The following IPO9 variants were observed in gnomAD, a reference collection of about 807,000 sequenced individuals.
The protein encoded by IPO9 is importin 9.
A neutral mutation model predicts 128.6 loss-of-function variants in IPO9; 28 were observed. The ratio of observed to expected loss-of-function variants is 0.22; its 90% CI spans 0.16 to 0.30. The LOEUF is 0.30. Among genes scored for constraint, IPO9 ranks in the 10% least tolerant of loss-of-function variants. The pLI, the probability that IPO9 is intolerant of heterozygous loss-of-function variation, is 1.00. For synonymous variants in IPO9, 455 were observed against 475.8 expected (o/e 0.96, Z 0.57); for missense variants, 935 against 1,293.9 (o/e 0.72, Z 4.26).
intron 23 of IPO9, 81 bp from the exon 24 acceptor site, chr1:201,875,863 C>T: frequency 1.2e-6 from 1 of 836,406 alleles, no homozygotes; most frequent in Non-Finnish European, 2.1e-6. Context: ...ATTCCCTGTG[C>T]CATTTGATTG....
intron 1 of IPO9, 94 bp from the exon 2 acceptor site, chr1:201,847,185 C>G (rs973474950): frequency 4.6e-6 from 4 of 877,968 alleles, no homozygotes; most frequent in Admixed American, 2.1e-5. Context: ...GATTAAGTTT[C>G]TTTCTGGAAT....
intron 1 of IPO9, among the ~76,000 whole-genome samples, chr1:201,839,106 G>A (rs1679991200): frequency 2.0e-5 from 3 of 151,910 alleles, no homozygotes; most frequent in South Asian, 2.1e-4. Flanking sequence ...TTTTAGTAGA[G>A]ATGGGGTTTC....
In IPO9 at chr1:201,829,194, G is replaced by A. The variant is rs1275248207; in HGVS notation, c.-16G>A. On this transcript the variant is annotated 5_prime_UTR_variant, in exon 1 of 24. Coordinates refer to ENST00000361565, the MANE Select transcript of IPO9 (RefSeq NM_018085.5). ...CGGGTCCCGGCCGCGGGGCTGGCGG[G>A]CTGAGGGGAGAAAAGATGGCGGCGG... 11 of 1,514,158 alleles carry A rather than the reference G, an allele frequency of 7.3e-6. No individual in the cohort carries two copies. Among genetic ancestry groups the A allele is most frequent in the East Asian group, 2.8e-5 (1 of 36,056 alleles). The allele number at this position is 1,514,158 out of a possible 1,614,324, so 93.8% of individuals were successfully genotyped here.
In IPO9 at chr1:201,858,530, CA is replaced by C; in HGVS notation, c.1310del (p.Asn437ThrfsTer18). 3.2e-6 allele frequency: 5 copies of C among 1,586,914 alleles called. No homozygotes were observed. Among genetic ancestry groups the C allele is most frequent in the Admixed American group, 1.8e-5 (1 of 54,670 alleles). ...GACATTTACAAGAAGCTGAGCAAAC[CA>C]AAAACAGTGGCACTGAGCACTGGTA... The part of the protein sequence containing the change: ...TRHLQEAEQT[K>X]NSGTEHWWKI... On this transcript the variant is annotated frameshift_variant, in exon 12 of 24. Transcript: ENST00000361565. LOFTEE classifies it high-confidence loss of function.
At chr1:201,841,847 T>C (rs1680041795) in intron 1 of IPO9, among the ~76,000 whole-genome samples, 1 of 152,150 alleles carries the variant, frequency 6.6e-6, no homozygotes, top group Non-Finnish European at 1.5e-5. Flanking sequence ...ATAAAATAAA[T>C]ACTTATGAGT....
At chr1:201,866,352 A>G (rs1383596908) in intron 14 of IPO9, among the ~76,000 whole-genome samples, 1 of 152,148 alleles carries the variant, frequency 6.6e-6, no homozygotes, top group Non-Finnish European at 1.5e-5. Flanking sequence ...TTCAGTAAAT[A>G]TTTGTTGATT....
chr1:201,840,585 A>C lies in IPO9; in HGVS notation c.164-6694A>C, dbSNP rs181113189. On this transcript the variant is annotated intron_variant, in intron 1 of 23. Coordinates refer to ENST00000361565, the MANE Select transcript of IPO9 (RefSeq NM_018085.5). Reference sequence around the variant, plus strand: ...AACATTTCAAAAATACATATTCACAATATTATTCACTGCAGCATTTTTATT... The same window carrying C: ...AACATTTCAAAAATACATATTCACACTATTATTCACTGCAGCATTTTTATT... Among the ~76,000 whole-genome samples the C allele has an allele frequency of 4.6e-5, 7 of 152,300 alleles. No individual in the cohort carries two copies. The East Asian group carries it at 5.8e-4, about 13-fold the overall frequency.
chr1:201,847,205 A>G, intron 1 of IPO9, 74 bp from the exon 2 acceptor site: 1 of 1,038,098 alleles, frequency 9.6e-7, no homozygotes, highest in Non-Finnish European at 1.5e-6. Context: ...TCTTGTTGGC[A>G]TCAGGGTTAG....
rs766718599 is a variant in IPO9 at position 201,876,112 on chromosome 1, C to T, written c.*58C>T. Reference sequence around the variant, plus strand: ...GGCCAGCCGCAAACCATTTTGCAGCCCTCACTGGCCTTGAGATGCACTTTC... The same window carrying T: ...GGCCAGCCGCAAACCATTTTGCAGCTCTCACTGGCCTTGAGATGCACTTTC... On this transcript the variant is annotated 3_prime_UTR_variant, in exon 24 of 24. Coordinates refer to ENST00000361565, the MANE Select transcript of IPO9 (RefSeq NM_018085.5). 2.6e-6 allele frequency: 3 copies of T among 1,134,222 alleles called. No individual in the cohort carries two copies. Among genetic ancestry groups the T allele is most frequent in the Admixed American group, 3.4e-5 (2 of 59,394 alleles). 70.3% of individuals were successfully genotyped at this position (1,134,222 alleles called of 1,614,324 possible). A position where few individuals can be genotyped will look rare whatever the true frequency, so the allele number is the denominator to read the frequency against.
At chr1:201,829,729 T>C (rs1191466077) in intron 1 of IPO9, among the ~76,000 whole-genome samples, 1 of 152,174 alleles carries the variant, frequency 6.6e-6, no homozygotes, top group Non-Finnish European at 1.5e-5. Flanking sequence ...CCAAAGTCTT[T>C]CGCTGTTCTC....
chr1:201,855,472 T>C (rs564575490), intron 9 of IPO9, among the ~76,000 whole-genome samples: 2 of 152,368 alleles, frequency 1.3e-5, no homozygotes, highest in African/African-American at 4.8e-5. Flanking sequence ...GTGTTTCATT[T>C]GGGGGTCCCA....
chr1:201,848,782 A>G (rs1161593392), intron 4 of IPO9, among the ~76,000 whole-genome samples, 188 bp downstream of exon 4: 1 of 152,186 alleles, frequency 6.6e-6, no homozygotes, highest in African/African-American at 2.4e-5. Context: ...AAGTTTGTAT[A>G]GTATTACTTC....
At position 201,884,216 on chromosome 1, in the gene IPO9, C is replaced by T. The variant is rs1680940704; in HGVS notation, c.*8162C>T. 6.6e-6 allele frequency: 1 copy of T among 152,218 alleles called. No individual in the cohort carries two copies. Among genetic ancestry groups the T allele is most frequent in the African/African-American group, 2.4e-5 (1 of 41,446 alleles). The allele number at this position is 152,218 out of a possible 1,614,324, so 9.4% of individuals were successfully genotyped here. A position where few individuals can be genotyped will look rare whatever the true frequency, so the allele number is the denominator to read the frequency against. On this transcript the variant is annotated 3_prime_UTR_variant, in exon 24 of 24. Transcript: ENST00000361565. ...TAAATTATGTCTCCATTTCCTAATCCACAGAACAAGTGTAATACTAGTTAT... is the reference window on the plus strand; with the variant it reads ...TAAATTATGTCTCCATTTCCTAATCTACAGAACAAGTGTAATACTAGTTAT...
At position 201,829,230 on chromosome 1, in the gene IPO9, T is replaced by G. The variant is rs763421015; in HGVS notation, c.21T>G (p.Ala7=). The G allele has an allele frequency of 1.9e-6, 3 of 1,567,070 alleles. No homozygotes were observed. Among genetic ancestry groups the G allele is most frequent in the Non-Finnish European group, 2.6e-6 (3 of 1,161,196 alleles). The change falls in exon 1 of 24, where the codon GCT becomes GCG. Residue 7 remains alanine (A), a synonymous_variant. Transcript: ENST00000361565. MAAAAA[A]GAASGLPGPV... Reference sequence around the variant, plus strand: ...AAAAGATGGCGGCGGCGGCGGCAGCTGGTGCGGCCTCCGGGCTGCCGGGTC... The same window carrying G: ...AAAAGATGGCGGCGGCGGCGGCAGCGGGTGCGGCCTCCGGGCTGCCGGGTC...
intron 13 of IPO9, among the ~76,000 whole-genome samples, chr1:201,862,972 A>AAAC (rs1680477456): frequency 6.6e-6 from 1 of 152,226 alleles, no homozygotes; most frequent in African/African-American, 2.4e-5. Context: ...CACAGGTCAC[A>AAAC]CATTTGCTTT....
chr1:201,842,264 C>T (rs886986940), intron 1 of IPO9, among the ~76,000 whole-genome samples: 20 of 152,042 alleles, frequency 1.3e-4, no homozygotes, highest in African/African-American at 3.9e-4. Context: ...AAAGGATATT[C>T]GAAACGATAC....
At chr1:201,848,342 C>T (rs1207845713) in intron 3 of IPO9, 51 bp from the exon 4 acceptor site, 2 of 1,496,620 alleles carry the variant, frequency 1.3e-6, no homozygotes, top group South Asian at 2.3e-5. Context: ...CTGGGCTCTG[C>T]CAGTCACTTT....
Position 201,854,706 on chromosome 1 carries a change from G to A in IPO9, c.802G>A (p.Val268Ile), listed in dbSNP as rs1192309255. The A allele has an allele frequency of 1.3e-5, 21 of 1,614,094 alleles. No individual in the cohort carries two copies. Among genetic ancestry groups the A allele is most frequent in the Non-Finnish European group, 1.7e-5 (20 of 1,179,994 alleles). ...PTSDSGFKME[V>I]LKAVTALVKN... ...ATCTGACAGTGGGTTTAAGATGGAG[G>A]TCCTAAAGGTAAACACTTACTACCA... is the stretch of plus-strand genomic sequence containing the variant. Residue 268 changes from valine to isoleucine, a missense_variant, in exon 7 of 24, where the codon GTC (valine) becomes ATC (isoleucine). Val to Ile is a conservative substitution (Grantham distance 29, BLOSUM62 3). This residue lies in a region of IPO9 where 741 missense variants were observed against 1,019.1 expected (regional missense o/e 0.73). Transcript: ENST00000361565.
At chr1:201,861,481 T>C (rs1680447104) in intron 13 of IPO9, among the ~76,000 whole-genome samples, 1 of 152,206 alleles carries the variant, frequency 6.6e-6, no homozygotes, top group Non-Finnish European at 1.5e-5. Flanking sequence ...TTGCCCAACT[T>C]TACGCTAATG....
Sources: allele counts gnomAD v4.1 joint callset (sites outside exome capture counted in the v4.1 genomes callset), GRCh38; gene constraint gnomAD v4.1.1; regional missense constraint gnomAD v4.1.1; transcripts MANE v1.5; gene names NCBI Gene and HGNC (gene_info 2026-07-23, HGNC 2026-07-21).